CELF1: variants seen among roughly 807,000 people sequenced by gnomAD.
The protein encoded by CELF1 is CUGBP Elav-like family member 1.
In CELF1, 10 loss-of-function variants were observed where a neutral mutation model predicts 61.8. That is an observed-to-expected ratio of 0.16 (90% confidence interval 0.10 to 0.27). The LOEUF (loss-of-function observed/expected upper bound fraction) is 0.27, where lower values mean the gene tolerates loss of function less well. Ranked by LOEUF, CELF1 falls within the 10% of genes least tolerant of loss-of-function variation. CELF1 has a pLI of 1.00. For synonymous variants in CELF1, 236 were observed against 225.1 expected (o/e 1.05, Z -0.43); for missense variants, 380 against 639.1 (o/e 0.59, Z 4.37).
intron 2 of CELF1, among the ~76,000 whole-genome samples, chr11:47,558,335 G>A (rs1565921256): frequency 6.7e-6 from 1 of 149,742 alleles, no homozygotes; most frequent in Admixed American, 6.9e-5. Flanking sequence ...TTTCCTATGA[G>A]TGTTTTATAT....
At chr11:47,472,993 C>A in intron 14 of CELF1, 95 bp downstream of exon 14, 1 of 1,416,834 alleles carries the variant, frequency 7.1e-7, no homozygotes, top group South Asian at 1.4e-5. Flanking sequence ...AAAACAACAC[C>A]ACAAACTCAT....
Position 47,480,552 on chromosome 11 carries a change from C to A in CELF1, c.769-1600G>T, listed in dbSNP as rs564015976. On this transcript the variant is annotated intron_variant, in intron 9 of 14. Coordinates refer to ENST00000687097, the MANE Select transcript of CELF1 (RefSeq NM_001376376.1). ...AGCTCTCAACACATGCCATCATGTA[C>A]TTGCTGGTAGTGGCAATGACAACAA... Among the ~76,000 whole-genome samples the A allele has an allele frequency of 2.6e-5, 4 of 152,330 alleles. No individual in the cohort carries two copies. In the East Asian group the frequency reaches 7.7e-4, roughly 29 times the overall value.
intron 2 of CELF1, among the ~76,000 whole-genome samples, chr11:47,499,980 C>T (rs552865968): frequency 6.6e-6 from 1 of 152,318 alleles, no homozygotes; most frequent in African/African-American, 2.4e-5. Context: ...AAAAGGCTCA[C>T]CGAAGAAATG....
At chr11:47,507,377 G>A (rs1217468568) in intron 1 of CELF1, among the ~76,000 whole-genome samples, 1 of 151,838 alleles carries the variant, frequency 6.6e-6, no homozygotes, top group African/African-American at 2.4e-5. Context: ...ATAGGTGCCG[G>A]GCATGAAACT....
chr11:47,522,828 GAAAAAAA>G, intron 1 of CELF1, among the ~76,000 whole-genome samples: 1 of 60,238 alleles, frequency 1.7e-5, no homozygotes, highest in East Asian at 5.4e-4. Flanking sequence ...TCCATCTCCA[GAAAAAAA>G]AAAAAAAAAG....
At chr11:47,563,998 T>C (rs1029204556) in intron 2 of CELF1, among the ~76,000 whole-genome samples, 14 of 148,468 alleles carry the variant, frequency 9.4e-5, no homozygotes, top group African/African-American at 3.2e-4. Flanking sequence ...AGAGTGAAAC[T>C]CTATCTTAAA....
chr11:47,545,644 T>C (rs950513821), intron 1 of CELF1, among the ~76,000 whole-genome samples: 1 of 152,136 alleles, frequency 6.6e-6, no homozygotes, highest in Non-Finnish European at 1.5e-5. Flanking sequence ...CTTATTTCTA[T>C]TTCTTCTTTT....
At chr11:47,499,629 T>G in intron 2 of CELF1, 25 bp from the exon 3 acceptor site, 1 of 849,888 alleles carries the variant, frequency 1.2e-6, no homozygotes. Flanking sequence ...AAACACAAAG[T>G]GGAAACAGGA....
At chr11:47,503,459 T>A (rs1325731540) in intron 1 of CELF1, among the ~76,000 whole-genome samples, 1 of 152,202 alleles carries the variant, frequency 6.6e-6, no homozygotes, top group Non-Finnish European at 1.5e-5. Context: ...TAAAGTCTAG[T>A]TATATAAGCA....
At chr11:47,551,182 T>C (rs1008745189) in intron 1 of CELF1, among the ~76,000 whole-genome samples, 8 of 152,118 alleles carry the variant, frequency 5.3e-5, no homozygotes, top group Non-Finnish European at 1.0e-4. Context: ...TAAGTCTAGA[T>C]AGCACAATCT....
chr11:47,524,038 G>A (rs985124372), intron 1 of CELF1: 1 of 152,132 alleles, frequency 6.6e-6, no homozygotes, highest in African/African-American at 2.4e-5. Context: ...ACTTTACAAA[G>A]CACTCAAACA....
intron 1 of CELF1, among the ~76,000 whole-genome samples, chr11:47,526,257 T>C (rs565944036): frequency 6.6e-6 from 1 of 151,920 alleles, no homozygotes; most frequent in East Asian, 1.9e-4. Context: ...GAAGCGGAGG[T>C]TGCCGTGAGC....
chr11:47,482,386 C>T lies in CELF1; in HGVS notation c.768+309G>A, dbSNP rs925367441. ...GAAAGACACTGGTAGTTAAGATTCCCTCAGGAATTTCTTTCTTGGAGGCAA... is the reference window on the plus strand; with the variant it reads ...GAAAGACACTGGTAGTTAAGATTCCTTCAGGAATTTCTTTCTTGGAGGCAA... On this transcript the variant is annotated intron_variant, in intron 9 of 14. Coordinates refer to ENST00000687097, the MANE Select transcript of CELF1 (RefSeq NM_001376376.1). The T allele has an allele frequency of 3.3e-5, 7 of 210,304 alleles. No individual in the cohort carries two copies. In the East Asian group the frequency reaches 7.5e-4, roughly 22 times the overall value. 13.0% of individuals were successfully genotyped at this position (210,304 alleles called of 1,614,324 possible). A position where few individuals can be genotyped will look rare whatever the true frequency, so the allele number is the denominator to read the frequency against.
chr11:47,529,435 C>T (rs1013062493), intron 1 of CELF1, among the ~76,000 whole-genome samples: 1 of 152,058 alleles, frequency 6.6e-6, no homozygotes, highest in Non-Finnish European at 1.5e-5. Context: ...GCCTGTAATC[C>T]CAGCACGTTG....
At position 47,483,215 on chromosome 11, in the gene CELF1, T is replaced by C. The variant is rs78529369; in HGVS notation, c.606+238A>G. Among the ~76,000 whole-genome samples, 48 of 152,130 alleles carry C rather than the reference T, an allele frequency of 3.2e-4. No individual in the cohort carries two copies. In the East Asian group the frequency reaches 4.3e-3, roughly 13 times the overall value. ...GGGTGGTTGGGGCTGCAGTGAGCCA[T>C]GATATTCCCACTGCACTCCAGCCCA... On this transcript the variant is annotated intron_variant, in intron 8 of 14. Coordinates refer to ENST00000687097, the MANE Select transcript of CELF1 (RefSeq NM_001376376.1).
rs2085367343 is a variant in CELF1, at chr11:47,484,409, C to G, written c.506G>C (p.Gly169Ala). Residue 169 changes from glycine (G) to alanine (A), a missense_variant, in exon 7 of 15, where the codon GGA becomes GCA. Coordinates refer to ENST00000687097, the MANE Select transcript of CELF1 (RefSeq NM_001376376.1). ...GQIEECRILR[G>A]PDGLSRGCAF... ...CCTACCTCGGCTCAGGCCATCAGGT[C>G]CCCGCAATATCCGGCATTCTTCAAT... The G allele has an allele frequency of 6.2e-7, 1 of 1,613,190 alleles. No individual in the cohort carries two copies. Among genetic ancestry groups the G allele is most frequent in the Non-Finnish European group, 8.5e-7 (1 of 1,179,760 alleles).
intron 1 of CELF1, among the ~76,000 whole-genome samples, chr11:47,541,768 A>C (rs1359413933): frequency 0.013 from 137 of 10,768 alleles, 20 homozygotes; most frequent in African/African-American, 0.032. Flanking sequence ...GAAAGAAAGA[A>C]CGAAAGAAAG....
chr11:47,491,020 C>G (rs1011290681), intron 3 of CELF1, among the ~76,000 whole-genome samples: 4 of 151,338 alleles, frequency 2.6e-5, no homozygotes, highest in African/African-American at 9.7e-5. Context: ...TGTCACCATG[C>G]CCAGCTAATT....
At chr11:47,488,115 A>G (rs1378329119) in intron 4 of CELF1, among the ~76,000 whole-genome samples, 2 of 152,226 alleles carry the variant, frequency 1.3e-5, no homozygotes, top group African/African-American at 4.8e-5. Context: ...CAATATGATA[A>G]TCATGCTTGC....
Sources: gnomAD v4.1 joint callset for allele counts (sites outside exome capture counted in the v4.1 genomes callset) on GRCh38, gnomAD v4.1.1 for gene constraint, MANE v1.5 for transcripts, NCBI Gene and HGNC (gene_info 2026-07-23, HGNC 2026-07-21) for gene names.